The following VGLL4 variants were observed in gnomAD, a reference collection of about 807,000 sequenced individuals.
VGLL4 encodes transcription cofactor vestigial-like protein 4.
VGLL4 carries 7 observed loss-of-function variants against 21.0 expected under a neutral mutation model. The observed-to-expected ratio is 0.33, with a 90% CI of 0.19 to 0.63. The LOEUF is 0.63. Ranked by LOEUF, VGLL4 falls within the 20% of genes least tolerant of loss-of-function variation. The probability of loss-of-function intolerance (pLI) is 0.78; values close to 1 mark genes in which losing one functional copy is unlikely to be tolerated. For synonymous variants in VGLL4, 222 were observed against 173.2 expected (o/e 1.28, Z -2.21); for missense variants, 394 against 425.7 (o/e 0.93, Z 0.66).
Position 11,559,458 on chromosome 3 carries a change from G to A in VGLL4, c.496-3C>T, listed in dbSNP as rs997467203. The stretch of plus-strand genomic sequence containing the variant: ...CAGGTGATCACGGAGGGCCGGTTCT[G>A]CGGGGAGGAGGGGTGTCAGTATGTG... On this transcript the variant is annotated splice_region_variant and splice_polypyrimidine_tract_variant and intron_variant, in intron 3 of 4. Transcript: ENST00000430365. 6.4e-7 allele frequency: 1 copy of A among 1,556,126 alleles called. No individual in the cohort carries two copies. The highest frequency in any genetic ancestry group is 8.7e-7 in the Non-Finnish European group (1 of 1,151,068).
intron 1 of VGLL4, among the ~76,000 whole-genome samples, chr3:11,613,065 A>C (rs59302566): frequency 0.16 from 24,142 of 147,186 alleles, 2,607 homozygotes; most frequent in East Asian, 0.32. Flanking sequence ...GAGGGTAAGC[A>C]AAAAAAAAAA....
intron 2 of VGLL4, chr3:11,693,302 T>C (rs1313671313): frequency 6.5e-6 from 1 of 154,888 alleles, no homozygotes; most frequent in African/African-American, 2.4e-5. Context: ...TGCTAGTGTT[T>C]AATAAATTAA....
intron 2 of VGLL4, among the ~76,000 whole-genome samples, chr3:11,667,011 G>C (rs1017138065): frequency 1.4e-4 from 21 of 152,224 alleles, no homozygotes; most frequent in African/African-American, 3.9e-4. Context: ...AGCCTCATTT[G>C]CCCTTTCTTC....
intron 1 of VGLL4, among the ~76,000 whole-genome samples, chr3:11,614,355 T>C (rs2075120390): frequency 6.6e-6 from 1 of 152,206 alleles, no homozygotes; most frequent in Non-Finnish European, 1.5e-5. Context: ...AGCAACACCA[T>C]TGTGTGCTAC....
rs1461069434 is a variant in VGLL4, at chr3:11,559,453, G to A, written c.498C>T (p.Asn166=). The change falls in exon 4 of 5, where the codon AAC becomes AAT. Residue 166 remains asparagine (N), a splice_region_variant and synonymous_variant. Coordinates refer to ENST00000430365, the MANE Select transcript of VGLL4 (RefSeq NM_001128219.3). ...PTLTPGERQQ[N]RPSVITCASA... ...AGGCACAGGTGATCACGGAGGGCCGGTTCTGCGGGGAGGAGGGGTGTCAGT... is the reference window on the plus strand; with the variant it reads ...AGGCACAGGTGATCACGGAGGGCCGATTCTGCGGGGAGGAGGGGTGTCAGT... 6.4e-7 allele frequency: 1 copy of A among 1,559,078 alleles called. No homozygotes were observed. The highest frequency in any genetic ancestry group is 1.2e-5 in the South Asian group (1 of 84,134).
At chr3:11,718,512 C>T (rs1050148504) in intron 1 of VGLL4, among the ~76,000 whole-genome samples, 2 of 152,174 alleles carry the variant, frequency 1.3e-5, no homozygotes, top group Non-Finnish European at 2.9e-5. Context: ...ATGAACAGTA[C>T]AAGTCCGTGG....
rs191464785 is a variant in VGLL4 at position 11,636,219 on chromosome 3, C to A, written c.82+7218G>T. The stretch of plus-strand genomic sequence containing the variant: ...TGTTATCAGGGAAGAAGTGTAGAGT[C>A]TCCCAGCTGGATTATGGGTAGTGTA... On this transcript the variant is annotated intron_variant, in intron 1 of 4. Transcript: ENST00000430365. Among the ~76,000 whole-genome samples, 535 of 152,244 alleles carry A rather than the reference C, an allele frequency of 3.5e-3. 3 individuals are homozygous for A. Among genetic ancestry groups the A allele is most frequent in the Middle Eastern group, 0.017 (5 of 294 alleles).
At chr3:11,582,664 A>G (rs1168342577) in intron 2 of VGLL4, among the ~76,000 whole-genome samples, 2 of 152,232 alleles carry the variant, frequency 1.3e-5, no homozygotes, top group Non-Finnish European at 2.9e-5. Flanking sequence ...AGGCTTTTAT[A>G]AAACTTCAAA....
intron 2 of VGLL4, among the ~76,000 whole-genome samples, chr3:11,685,404 G>A (rs1273756092): frequency 6.6e-6 from 1 of 151,968 alleles, no homozygotes; most frequent in Non-Finnish European, 1.5e-5. Context: ...TCATCATGTT[G>A]GTCAGGCTGG....
In VGLL4 at chr3:11,556,449, G is replaced by C. The variant is rs900260177; in HGVS notation, c.*2107C>G. ...TCACTGACAAAGAGACCTGTCCCAG[G>C]AGTGTCCTCCACCGAGCCGGTCAGC... On this transcript the variant is annotated 3_prime_UTR_variant, in exon 5 of 5. Coordinates refer to ENST00000430365, the MANE Select transcript of VGLL4 (RefSeq NM_001128219.3). The C allele has an allele frequency of 6.5e-6, 1 of 152,718 alleles. No individual in the cohort carries two copies. Among genetic ancestry groups the C allele is most frequent in the Admixed American group, 6.5e-5 (1 of 15,268 alleles). The allele number at this position is 152,718 out of a possible 1,614,324, so 9.5% of individuals were successfully genotyped here.
intron 1 of VGLL4, among the ~76,000 whole-genome samples, chr3:11,717,176 CTTT>C (rs778656485): frequency 7.1e-6 from 1 of 139,884 alleles, no homozygotes. Flanking sequence ...TATTTTTGTG[CTTT>C]TTTTTTTTTT....
intron 3 of VGLL4, among the ~76,000 whole-genome samples, chr3:11,563,031 T>C (rs1192720207): frequency 2.6e-5 from 4 of 152,234 alleles, no homozygotes; most frequent in Non-Finnish European, 5.9e-5. Context: ...AGTTCAGTTT[T>C]TGCAAAGCAA....
rs919832514 is a variant in VGLL4, at chr3:11,565,173, C to T, written c.273-154G>A. Among the ~76,000 whole-genome samples, 11 of 152,140 alleles carry T rather than the reference C, an allele frequency of 7.2e-5. No homozygotes were observed. Among genetic ancestry groups the T allele is most frequent in the Admixed American group, 3.3e-4 (5 of 15,274 alleles). ...CACGATGAGGAGCCGGTTGCCAGCC[C>T]GGGTCAGCCGGACACCAAAGCCTCT... On this transcript the variant is annotated intron_variant, in intron 2 of 4. Transcript: ENST00000430365. This position sits in a 1 kb window ranked among gnomAD's most constrained non-coding sequence, Gnocchi z 4.1.
intron 3 of VGLL4, among the ~76,000 whole-genome samples, chr3:11,561,509 G>A (rs979079493): frequency 7.2e-5 from 11 of 152,288 alleles, no homozygotes; most frequent in Admixed American, 2.6e-4. Flanking sequence ...AGGGTGGCCC[G>A]TGAGCCCTCG....
In VGLL4 at chr3:11,565,614, T is replaced by G. The variant is rs2073445109; in HGVS notation, c.273-595A>C. Among the ~76,000 whole-genome samples the G allele has an allele frequency of 6.6e-6, 1 of 152,212 alleles. No homozygotes were observed. The highest frequency in any genetic ancestry group is 1.5e-5 in the Non-Finnish European group (1 of 68,040). Reference sequence around the variant, plus strand: ...AGCTGACATGTGGTGGCACGTGCTCTGGGGTTCCCGGGGTGCTGTAGGGAG... The same window carrying G: ...AGCTGACATGTGGTGGCACGTGCTCGGGGGTTCCCGGGGTGCTGTAGGGAG... On this transcript the variant is annotated intron_variant, in intron 2 of 4. Transcript: ENST00000430365. This position sits in a 1 kb window ranked among gnomAD's most constrained non-coding sequence, Gnocchi z 4.1.
intron 2 of VGLL4, among the ~76,000 whole-genome samples, chr3:11,566,720 T>G (rs2073549811): frequency 6.6e-6 from 1 of 152,130 alleles, no homozygotes; most frequent in East Asian, 1.9e-4. Context: ...AGCTGCAGTG[T>G]AGAATCCCAA....
At chr3:11,626,178 T>C (rs2075349163) in intron 1 of VGLL4, among the ~76,000 whole-genome samples, 1 of 152,190 alleles carries the variant, frequency 6.6e-6, no homozygotes, top group African/African-American at 2.4e-5. Flanking sequence ...AGAATCTCAA[T>C]GAGCCCTGGG....
At chr3:11,664,035 T>A (rs1042962258) in intron 2 of VGLL4, among the ~76,000 whole-genome samples, 30 of 152,084 alleles carry the variant, frequency 2.0e-4, no homozygotes, top group African/African-American at 6.5e-4. Flanking sequence ...GAGGATCACC[T>A]GAGGTAAGGA....
At chr3:11,680,401 C>T (rs1259863229) in intron 2 of VGLL4, among the ~76,000 whole-genome samples, 1 of 152,118 alleles carries the variant, frequency 6.6e-6, no homozygotes, top group Admixed American at 6.5e-5. Flanking sequence ...TAATTATATT[C>T]AATTTAAAAT....
Sources: allele counts gnomAD v4.1 joint callset (sites outside exome capture counted in the v4.1 genomes callset), GRCh38; gene constraint gnomAD v4.1.1; non-coding constraint Gnocchi (gnomAD v3.1); transcripts MANE v1.5; gene names NCBI Gene and HGNC (gene_info 2026-07-23, HGNC 2026-07-21).